ITGBL1: variants seen among roughly 807,000 people sequenced by gnomAD.
The protein encoded by ITGBL1 is integrin subunit beta like 1, also known as integrin beta-like protein 1.
In ITGBL1, 51 loss-of-function variants were observed where a neutral mutation model predicts 68.5. The ratio of observed to expected loss-of-function variants is 0.74; its 90% confidence interval spans 0.59 to 0.94. The LOEUF (loss-of-function observed/expected upper bound fraction) is 0.94, where lower values mean the gene tolerates loss of function less well. Ranked by LOEUF, ITGBL1 falls within the 40% of genes least tolerant of loss-of-function variation. The pLI, the probability that ITGBL1 is intolerant of heterozygous loss-of-function variation, is 0.00. For synonymous variants in ITGBL1, 209 were observed against 227.3 expected (o/e 0.92, Z 0.72); for missense variants, 649 against 647.4 (o/e 1.00, Z -0.03).
intron 4 of ITGBL1, among the ~76,000 whole-genome samples, chr13:101,575,770 T>C (rs977407104): frequency 3.3e-5 from 5 of 152,176 alleles, no homozygotes; most frequent in Non-Finnish European, 7.3e-5. Context: ...GAGAGCTGTG[T>C]CATTATGGCA....
chr13:101,570,259 A>G (rs917154370), intron 3 of ITGBL1, among the ~76,000 whole-genome samples: 3 of 152,178 alleles, frequency 2.0e-5, no homozygotes, highest in African/African-American at 7.2e-5. Context: ...TAGGTATTAA[A>G]GCCCATCAGG....
Position 101,453,958 on chromosome 13 carries a change from G to C in ITGBL1, c.174G>C (p.Pro58=), listed in dbSNP as rs1454097175. 1.9e-5 allele frequency: 29 copies of C among 1,494,324 alleles called. No homozygotes were observed. Among genetic ancestry groups the C allele is most frequent in the East Asian group, 5.5e-5 (2 of 36,504 alleles). The allele number at this position is 1,494,324 out of a possible 1,614,324, so 92.6% of individuals were successfully genotyped here. A position where few individuals can be genotyped will look rare whatever the true frequency, so the allele number is the denominator to read the frequency against. ...ERRCRAPGQP[P]GAALCHGRGR... ...GCTGCCGCGCACCTGGGCAGCCCCC[G>C]GGGGCCGCGCTGTGCCACGGCCGGG... Residue 58 remains proline (P), a synonymous_variant, in exon 2 of 11, where the codon CCG becomes CCC. Coordinates refer to ENST00000376180, the MANE Select transcript of ITGBL1 (RefSeq NM_004791.3).
intron 2 of ITGBL1, among the ~76,000 whole-genome samples, chr13:101,527,642 G>A (rs1172669526): frequency 6.6e-6 from 1 of 151,926 alleles, no homozygotes; most frequent in Non-Finnish European, 1.5e-5. Context: ...AACAATGTCT[G>A]GGAGTTCTGG....
At chr13:101,566,110 T>C (rs1203135805) in intron 2 of ITGBL1, among the ~76,000 whole-genome samples, 1 of 152,184 alleles carries the variant, frequency 6.6e-6, no homozygotes, top group Non-Finnish European at 1.5e-5. Flanking sequence ...CATAATGCTT[T>C]ATCTTCTAAA....
intron 2 of ITGBL1, among the ~76,000 whole-genome samples, chr13:101,509,504 G>A (rs2049080951): frequency 6.6e-6 from 1 of 151,872 alleles, no homozygotes; most frequent in Admixed American, 6.6e-5. Flanking sequence ...TTCTACCCAG[G>A]TTCTAAATTG....
chr13:101,602,979 TG>T (rs1280251870), intron 7 of ITGBL1, among the ~76,000 whole-genome samples: 3 of 152,010 alleles, frequency 2.0e-5, no homozygotes, highest in Non-Finnish European at 4.4e-5. Context: ...CATCAGTTAA[TG>T]GGCATTTGGA....
At chr13:101,530,094 A>ATT (rs1260625041) in intron 2 of ITGBL1, among the ~76,000 whole-genome samples, 1 of 152,184 alleles carries the variant, frequency 6.6e-6, no homozygotes, top group Non-Finnish European at 1.5e-5. Context: ...TAGAGAGAAG[A>ATT]GACAGGTGGT....
intron 7 of ITGBL1, among the ~76,000 whole-genome samples, chr13:101,630,217 T>C: frequency 6.6e-6 from 1 of 152,228 alleles, no homozygotes; most frequent in Non-Finnish European, 1.5e-5. Flanking sequence ...AGATTACTTT[T>C]TCTATTGCCC....
rs367741870 is a variant in ITGBL1, at chr13:101,530,729, A to G, written c.317-36970A>G. Among the ~76,000 whole-genome samples, 17 of 152,366 alleles carry G rather than the reference A, an allele frequency of 1.1e-4. No homozygotes were observed. The South Asian group carries it at 3.5e-3, about 32-fold the overall frequency. On this transcript the variant is annotated intron_variant, in intron 2 of 10. Coordinates refer to ENST00000376180, the MANE Select transcript of ITGBL1 (RefSeq NM_004791.3). Reference sequence around the variant, plus strand: ...TTAGCTTACAAAAAAATTAACACACACATTAAATCTTCAATTTTATCTAAT... The same window carrying G: ...TTAGCTTACAAAAAAATTAACACACGCATTAAATCTTCAATTTTATCTAAT...
chr13:101,481,551 C>A (rs185348018), intron 2 of ITGBL1, among the ~76,000 whole-genome samples: 10 of 151,932 alleles, frequency 6.6e-5, no homozygotes, highest in Admixed American at 6.6e-4. Flanking sequence ...GTTCTACAAC[C>A]CTTCCTCCAC....
downstream of ITGBL1, chr13:101,719,138 T>C (rs1408713108): frequency 6.6e-6 from 1 of 152,052 alleles, no homozygotes; most frequent in Non-Finnish European, 1.5e-5. Flanking sequence ...TGATCCATAA[T>C]ATTAGGGAGA....
chr13:101,537,122 A>G (rs1320199325), intron 2 of ITGBL1, among the ~76,000 whole-genome samples: 1 of 152,008 alleles, frequency 6.6e-6, no homozygotes, highest in African/African-American at 2.4e-5. Flanking sequence ...ACCTTCTCTA[A>G]CATTCAATAA....
chr13:101,592,401 T>C lies in ITGBL1; in HGVS notation c.869-5752T>C, dbSNP rs115904099. On this transcript the variant is annotated intron_variant, in intron 6 of 10. Coordinates refer to ENST00000376180, the MANE Select transcript of ITGBL1 (RefSeq NM_004791.3). ...CCAAAACAGAAATTAAGAAAACAAT[T>C]TTATCTGCGGTCGTGTCAAAAATAA... Among the ~76,000 whole-genome samples the C allele has an allele frequency of 9.1e-3, 1,378 of 152,172 alleles. 22 individuals carry two copies. Among genetic ancestry groups the C allele is most frequent in the African/African-American group, 0.031 (1,302 of 41,546 alleles).
chr13:101,614,367 A>G (rs2031264339), intron 7 of ITGBL1, among the ~76,000 whole-genome samples: 1 of 152,164 alleles, frequency 6.6e-6, no homozygotes, highest in Admixed American at 6.5e-5. Flanking sequence ...TAGTTCTGTT[A>G]CCACAACAGT....
intron 7 of ITGBL1, among the ~76,000 whole-genome samples, chr13:101,634,626 T>G (rs2032104400): frequency 6.6e-6 from 1 of 152,158 alleles, no homozygotes; most frequent in Admixed American, 6.6e-5. Context: ...TATTCCTTAA[T>G]TACGTTTTTA....
At chr13:101,681,531 G>T (rs1363750493) in intron 7 of ITGBL1, among the ~76,000 whole-genome samples, 1 of 152,160 alleles carries the variant, frequency 6.6e-6, no homozygotes, top group Non-Finnish European at 1.5e-5. Flanking sequence ...GTCAATCCAT[G>T]AGGTTAGTGG....
chr13:101,660,706 T>C (rs1382190859), intron 7 of ITGBL1, among the ~76,000 whole-genome samples: 1 of 152,194 alleles, frequency 6.6e-6, no homozygotes, highest in African/African-American at 2.4e-5. Flanking sequence ...TGCCCAAAAA[T>C]GTGCGAAGAC....
chr13:101,697,879 G>T (rs1420873955), intron 8 of ITGBL1, among the ~76,000 whole-genome samples: 1 of 152,172 alleles, frequency 6.6e-6, no homozygotes, highest in African/African-American at 2.4e-5. Flanking sequence ...TCTGTCTCAG[G>T]TATCTGGAAG....
At chr13:101,671,447 G>GTTTTTTTTTTT (rs1313845131) in intron 7 of ITGBL1, among the ~76,000 whole-genome samples, 16 of 103,640 alleles carry the variant, frequency 1.5e-4, no homozygotes, top group East Asian at 9.9e-4. Flanking sequence ...GTTTTTTTTT[G>GTTTTTTTTTTT]TTTTTTTTTG....
Sources: gnomAD v4.1 joint callset for allele counts (sites outside exome capture counted in the v4.1 genomes callset) on GRCh38, gnomAD v4.1.1 for gene constraint, MANE v1.5 for transcripts, NCBI Gene and HGNC (gene_info 2026-07-23, HGNC 2026-07-21) for gene names.